PRELID2: variants seen among roughly 807,000 people sequenced by gnomAD.
PRELID2 encodes PRELI domain containing 2, also known as PRELI domain-containing protein 2.
PRELID2 carries 25 observed loss-of-function variants against 28.4 expected under a neutral mutation model. The observed-to-expected ratio is 0.88, with a 90% confidence interval of 0.64 to 1.23. PRELID2 has a LOEUF of 1.23. Ranked by LOEUF, PRELID2 falls within the 50% of genes most tolerant of loss-of-function variation. The probability of loss-of-function intolerance (pLI) is 0.00; values close to 1 mark genes in which losing one functional copy is unlikely to be tolerated. For synonymous variants in PRELID2, 76 were observed against 71.6 expected (o/e 1.06, Z -0.31); for missense variants, 201 against 214.4 (o/e 0.94, Z 0.39).
At chr5:145,349,305 T>C in the PRELID2 span, among the ~76,000 whole-genome samples, 1 of 152,166 alleles carries the variant, frequency 6.6e-6, no homozygotes, top group African/African-American at 2.4e-5. Flanking sequence ...TTCAGAATTA[T>C]ATTTTTGGGA....
the PRELID2 span, among the ~76,000 whole-genome samples, chr5:145,247,026 G>T: frequency 6.6e-6 from 1 of 152,170 alleles, no homozygotes; most frequent in South Asian, 2.1e-4. Flanking sequence ...CTCCCAAATT[G>T]CTCCTGTGGA....
At chr5:145,265,372 T>C in the PRELID2 span, among the ~76,000 whole-genome samples, 3 of 152,060 alleles carry the variant, frequency 2.0e-5, no homozygotes, top group Non-Finnish European at 4.4e-5. Flanking sequence ...AGAATTAACA[T>C]TGTGAAAATG....
the PRELID2 span, among the ~76,000 whole-genome samples, chr5:145,323,602 C>T: frequency 1.3e-5 from 2 of 152,154 alleles, no homozygotes; most frequent in Non-Finnish European, 2.9e-5. Flanking sequence ...GTTTTTCAAT[C>T]ATCATCCTCC....
chr5:145,497,387 A>T (rs1230692138), intron 1 of PRELID2, among the ~76,000 whole-genome samples: 1 of 149,794 alleles, frequency 6.7e-6, no homozygotes, highest in Non-Finnish European at 1.5e-5. Flanking sequence ...TTTATTAATG[A>T]TCTCTTCCCT....
chr5:145,509,129 C>T (rs979021470), intron 1 of PRELID2, among the ~76,000 whole-genome samples: 2 of 152,080 alleles, frequency 1.3e-5, no homozygotes, highest in Non-Finnish European at 2.9e-5. Context: ...AAGTGCATGT[C>T]ACAGGAAAAT....
At chr5:145,661,698 G>A (rs755542812) in intron 1 of PRELID2, among the ~76,000 whole-genome samples, 15 of 148,082 alleles carry the variant, frequency 1.0e-4, no homozygotes, top group Non-Finnish European at 2.1e-4. Flanking sequence ...AACATGTTAT[G>A]CTTGCAAGTG....
At chr5:145,559,281 G>A (rs1276131697) in intron 1 of PRELID2, among the ~76,000 whole-genome samples, 2 of 151,596 alleles carry the variant, frequency 1.3e-5, no homozygotes, top group Non-Finnish European at 2.9e-5. Flanking sequence ...AGCGTTTTGG[G>A]AAATACTGTA....
chr5:145,410,221 T>A, the PRELID2 span, among the ~76,000 whole-genome samples: 11 of 152,178 alleles, frequency 7.2e-5, no homozygotes, highest in African/African-American at 2.2e-4. Flanking sequence ...GAAAATAACA[T>A]GAGAAAATCT....
intron 1 of PRELID2, among the ~76,000 whole-genome samples, chr5:145,522,560 T>C (rs905759808): frequency 1.3e-5 from 2 of 152,204 alleles, no homozygotes; most frequent in African/African-American, 4.8e-5. Flanking sequence ...TCCCAAATGA[T>C]GGCGTGTATG....
intron 2 of PRELID2, 125 bp from the exon 3 acceptor site, chr5:145,820,143 C>T: frequency 1.6e-6 from 1 of 606,898 alleles, no homozygotes; most frequent in East Asian, 2.9e-5. Context: ...TTTGAGACAC[C>T]CAGGCTGGAG....
intron 1 of PRELID2, among the ~76,000 whole-genome samples, chr5:145,718,659 C>A (rs981398385): frequency 1.3e-5 from 2 of 151,590 alleles, no homozygotes; most frequent in Non-Finnish European, 2.9e-5. Flanking sequence ...ATTTATTAAG[C>A]CATAAAAATT....
In PRELID2 at chr5:145,533,237, C is replaced by T. The variant is rs76690700; in HGVS notation, n.71-59922G>A. 6.0e-4 allele frequency among the ~76,000 whole-genome samples: 91 copies of T among 152,146 alleles called. No individual in the cohort carries two copies. The East Asian group carries it at 0.016, about 27-fold the overall frequency. ...TGTAAAAGGCATCACTCCTATTTTC[C>T]TCTGTTCCTAATGACTTGGGGAGAT... On this transcript the variant is annotated intron_variant and non_coding_transcript_variant, in intron 1 of 2. Coordinates refer to the PRELID2 transcript ENST00000510259.
chr5:145,315,392 C>G, the PRELID2 span, among the ~76,000 whole-genome samples: 1 of 152,146 alleles, frequency 6.6e-6, no homozygotes, highest in Non-Finnish European at 1.5e-5. Context: ...TAAATTTATA[C>G]TTATGCATAT....
At chr5:145,377,549 TG>T in the PRELID2 span, among the ~76,000 whole-genome samples, 41 of 152,340 alleles carry the variant, frequency 2.7e-4, no homozygotes, top group African/African-American at 9.1e-4. Flanking sequence ...TGGTTGCTCC[TG>T]TGTTGGTTGC....
chr5:145,827,091 G>A (rs1046754936), intron 1 of PRELID2, among the ~76,000 whole-genome samples: 1 of 152,124 alleles, frequency 6.6e-6, no homozygotes, highest in Admixed American at 6.6e-5. Context: ...CTTCAAAGAA[G>A]GCAAAGAAGA....
downstream of PRELID2, chr5:145,754,151 T>G (rs1034034962): frequency 6.6e-6 from 1 of 152,238 alleles, no homozygotes; most frequent in African/African-American, 2.4e-5. Flanking sequence ...ATTTGTGTAC[T>G]GCAGAGCTCC....
chr5:145,309,949 A>G, the PRELID2 span, among the ~76,000 whole-genome samples: 11 of 152,226 alleles, frequency 7.2e-5, no homozygotes, highest in Admixed American at 1.3e-4. Flanking sequence ...TGCTAATGGT[A>G]TGATATCAGA....
intron 1 of PRELID2, among the ~76,000 whole-genome samples, chr5:145,574,145 G>A (rs1446675513): frequency 6.6e-6 from 1 of 152,162 alleles, no homozygotes; most frequent in Non-Finnish European, 1.5e-5. Context: ...GAAATAGAAA[G>A]ATTGCTGCTC....
intron 1 of PRELID2, among the ~76,000 whole-genome samples, chr5:145,725,947 C>T (rs993671430): frequency 6.6e-6 from 1 of 152,018 alleles, no homozygotes; most frequent in African/African-American, 2.4e-5. Context: ...CTTTGGTAGG[C>T]CAAGGCAGGT....
Sources: allele counts gnomAD v4.1 joint callset (sites outside exome capture counted in the v4.1 genomes callset), GRCh38; gene constraint gnomAD v4.1.1; transcripts MANE v1.5; gene names NCBI Gene and HGNC (gene_info 2026-07-23, HGNC 2026-07-21).